Variants in MBNL1 observed in about 807,000 individuals in gnomAD.
MBNL1 encodes muscleblind like splicing regulator 1, also known as muscleblind-like protein 1.
In MBNL1, 8 loss-of-function variants were observed where a neutral mutation model predicts 42.2. That is an observed-to-expected ratio of 0.19 (90% CI 0.11 to 0.34). The LOEUF (loss-of-function observed/expected upper bound fraction) is 0.34, where lower values mean the gene tolerates loss of function less well. MBNL1 is among the 10% of genes least tolerant of loss of function. The pLI, the probability that MBNL1 is intolerant of heterozygous loss-of-function variation, is 1.00. For missense variants in MBNL1, 309 were observed against 495.3 expected, an observed-to-expected ratio of 0.62 and a Z score of 3.57; for synonymous variants, 169 against 173.9, an observed-to-expected ratio of 0.97 and a Z score of 0.22.
chr3:152,318,491 A>G (rs1191153961), intron 2 of MBNL1, among the ~76,000 whole-genome samples: 1 of 152,196 alleles, frequency 6.6e-6, no homozygotes, highest in Non-Finnish European at 1.5e-5. Context: ...TTCTAATGAT[A>G]AAATGTTTTA....
intron 3 of MBNL1, among the ~76,000 whole-genome samples, chr3:152,425,202 A>G (rs2098899606): frequency 1.3e-5 from 2 of 152,112 alleles, no homozygotes; most frequent in South Asian, 4.1e-4. Flanking sequence ...TAACTTAAAC[A>G]AATTTACAAG....
intron 3 of MBNL1, among the ~76,000 whole-genome samples, chr3:152,426,148 T>A (rs2098927223): frequency 7.2e-6 from 1 of 138,172 alleles, no homozygotes; most frequent in Non-Finnish European, 1.5e-5. Context: ...AGTTGAGCAA[T>A]GAGAACATGT....
intron 6 of MBNL1, 41 bp from the exon 7 acceptor site, chr3:152,455,501 C>T: frequency 6.4e-7 from 1 of 1,565,084 alleles, no homozygotes; most frequent in Non-Finnish European, 8.8e-7. Context: ...ATTCTTTTCC[C>T]TTTTCAAATC....
chr3:152,342,553 A>AACGC, intron 2 of MBNL1, among the ~76,000 whole-genome samples: 1 of 146,110 alleles, frequency 6.8e-6, no homozygotes, highest in African/African-American at 2.6e-5. Flanking sequence ...AACTAAACAA[A>AACGC]ACACACACAC....
chr3:152,292,215 C>T (rs1198655522), intron 1 of MBNL1, among the ~76,000 whole-genome samples: 1 of 152,148 alleles, frequency 6.6e-6, no homozygotes, highest in Non-Finnish European at 1.5e-5. Flanking sequence ...AAACCTTTTA[C>T]ATTTTTAAAA....
intron 2 of MBNL1, among the ~76,000 whole-genome samples, chr3:152,334,948 C>T (rs552250120): frequency 8.5e-5 from 13 of 152,238 alleles, no homozygotes; most frequent in East Asian, 3.9e-4. Context: ...TGCAGACGTA[C>T]GGGCAAACTC....
chr3:152,379,940 T>A (rs920045108), intron 2 of MBNL1, among the ~76,000 whole-genome samples: 5 of 152,132 alleles, frequency 3.3e-5, no homozygotes, highest in East Asian at 3.8e-4. Context: ...TAAGTAGATA[T>A]AATTTCTAAA....
intron 2 of MBNL1, chr3:152,301,022 A>G: frequency 1.9e-6 from 1 of 531,890 alleles, no homozygotes; most frequent in Non-Finnish European, 2.4e-6. Context: ...TGTTTATTGG[A>G]TTTTTCCAGC....
rs1395383116 is a variant in MBNL1 at position 152,459,308 on chromosome 3, A to G, written c.1130A>G (p.Lys377Arg). Residue 377 changes from lysine (K) to arginine (R), a missense_variant, in exon 9 of 10, where the codon AAG becomes AGG. Physicochemically the swap from Lys to Arg is conservative, Grantham distance 26. Transcript: ENST00000324210. ...IISAEHLTSH[K>R]YVTQM is the part of the protein sequence containing the mutation. The stretch of plus-strand genomic sequence containing the variant: ...TCTGCCGAACATCTGACTAGCCACA[A>G]GTATGTTACCCAGATGTAGAATTTT... 3 of 1,583,196 alleles carry G rather than the reference A, an allele frequency of 1.9e-6. No homozygotes were observed. Among genetic ancestry groups the G allele is most frequent in the African/African-American group, 2.7e-5 (2 of 73,652 alleles).
chr3:152,324,721 C>T (rs2078444710), intron 2 of MBNL1, among the ~76,000 whole-genome samples: 1 of 152,110 alleles, frequency 6.6e-6, no homozygotes, highest in African/African-American at 2.4e-5. Context: ...GAACATCACT[C>T]ACTATACCAA....
At chr3:152,245,573 A>C (rs1374770211) in intron 2 of MBNL1, among the ~76,000 whole-genome samples, 1 of 152,202 alleles carries the variant, frequency 6.6e-6, no homozygotes, top group African/African-American at 2.4e-5. Flanking sequence ...GACTAATCTC[A>C]TGGCTTCCAA....
At chr3:152,357,959 A>G (rs866783835) in intron 2 of MBNL1, among the ~76,000 whole-genome samples, 2 of 152,114 alleles carry the variant, frequency 1.3e-5, no homozygotes, top group South Asian at 4.1e-4. Flanking sequence ...ATGGAGCAGA[A>G]CACACTTGAA....
At chr3:152,421,433 G>A (rs1039719428) in intron 3 of MBNL1, among the ~76,000 whole-genome samples, 2 of 152,206 alleles carry the variant, frequency 1.3e-5, no homozygotes, top group African/African-American at 2.4e-5. Flanking sequence ...CTCGCTGCCA[G>A]CCTAGCAGTC....
chr3:152,243,746 C>G (rs1236432525), upstream of MBNL1: 1 of 152,120 alleles, frequency 6.6e-6, no homozygotes, highest in Middle Eastern at 3.2e-3. Context: ...ATCATTGAGC[C>G]ACACAGGAGA....
At chr3:152,385,759 A>G (rs1217029273) in intron 2 of MBNL1, among the ~76,000 whole-genome samples, 1 of 152,092 alleles carries the variant, frequency 6.6e-6, no homozygotes, top group African/African-American at 2.4e-5. Context: ...ACATGATAGA[A>G]TTTCTACCAA....
intron 2 of MBNL1, among the ~76,000 whole-genome samples, chr3:152,362,599 G>T (rs1333783026): frequency 6.6e-6 from 1 of 152,040 alleles, no homozygotes; most frequent in African/African-American, 2.4e-5. Flanking sequence ...TTGTTGTAGA[G>T]GGGTGTCCTG....
intron 2 of MBNL1, among the ~76,000 whole-genome samples, chr3:152,356,560 C>T (rs149358039): frequency 1.6e-3 from 245 of 152,272 alleles, no homozygotes; most frequent in African/African-American, 5.5e-3. Flanking sequence ...GCCTCCACCT[C>T]CTGGAATCAA....
chr3:152,346,898 AC>A (rs1450648379), intron 2 of MBNL1, among the ~76,000 whole-genome samples: 5 of 141,260 alleles, frequency 3.5e-5, no homozygotes, highest in African/African-American at 1.3e-4. Flanking sequence ...AAAAAAAAAA[AC>A]CAGTCATGGT....
rs537724035 is a variant in MBNL1 at position 152,426,169 on chromosome 3, G to A, written c.346-6548G>A. On this transcript the variant is annotated intron_variant, in intron 3 of 9. Coordinates refer to ENST00000324210, the MANE Select transcript of MBNL1 (RefSeq NM_021038.5). ...GCAATGAGAACATGTGGGCACGGGG[G>A]GGGAACATCACACACTGGGGCCTCC... Among the ~76,000 whole-genome samples the A allele has an allele frequency of 1.0e-3, 158 of 151,744 alleles. 3 individuals carry two copies. The highest frequency in any genetic ancestry group is 9.9e-3 in the South Asian group (47 of 4,768).
Sources: gnomAD v4.1 joint callset for allele counts (sites outside exome capture counted in the v4.1 genomes callset) on GRCh38, gnomAD v4.1.1 for gene constraint, MANE v1.5 for transcripts, NCBI Gene and HGNC (gene_info 2026-07-23, HGNC 2026-07-21) for gene names.